Variants in DPP10 observed in about 807,000 individuals in gnomAD.
DPP10 encodes inactive dipeptidyl peptidase 10.
In DPP10, 33 loss-of-function variants were observed where a neutral mutation model predicts 120.9. That is an observed-to-expected ratio of 0.27 (90% CI 0.21 to 0.37). DPP10 has a LOEUF of 0.37. DPP10 is among the 10% of genes least tolerant of loss of function. DPP10 has a pLI of 1.00. For synonymous variants in DPP10, 337 were observed against 326.1 expected (o/e 1.03, Z -0.36); for missense variants, 816 against 942.8 (o/e 0.87, Z 1.76).
intron 19 of DPP10, among the ~76,000 whole-genome samples, chr2:115,808,097 T>C (rs1686222770): frequency 6.6e-6 from 1 of 152,182 alleles, no homozygotes; most frequent in South Asian, 2.1e-4. Context: ...GATAATAAAA[T>C]TGCAAAAGTG....
At chr2:115,092,626 G>T (rs1709361859) in intron 1 of DPP10, among the ~76,000 whole-genome samples, 1 of 152,046 alleles carries the variant, frequency 6.6e-6, no homozygotes, top group South Asian at 2.1e-4. Flanking sequence ...AATAAAAAAA[G>T]TAACATTTGA....
Position 115,573,846 on chromosome 2 carries a change from C to T in DPP10, c.441+47874C>T, listed in dbSNP as rs567276594. On this transcript the variant is annotated intron_variant, in intron 5 of 25. Transcript: ENST00000410059. ...CTGGAATGACAGGTGTGAGTCATCA[C>T]GCCTGGCCAAGTATTTTTAAACTCT... is the stretch of plus-strand genomic sequence containing the variant. 1.2e-3 allele frequency among the ~76,000 whole-genome samples: 189 copies of T among 152,156 alleles called. 1 individual carries two copies. The highest frequency in any genetic ancestry group is 2.2e-3 in the Non-Finnish European group (150 of 67,988).
chr2:115,083,872 T>C (rs1708480243), intron 1 of DPP10, among the ~76,000 whole-genome samples: 2 of 152,186 alleles, frequency 1.3e-5, no homozygotes, highest in Admixed American at 1.3e-4. Context: ...CTTAGGATTG[T>C]CAAAGATTAA....
intron 1 of DPP10, among the ~76,000 whole-genome samples, chr2:114,586,402 G>A (rs145113748): frequency 2.4e-4 from 37 of 152,196 alleles, no homozygotes; most frequent in East Asian, 7.7e-4. Context: ...GCATCCCTGC[G>A]TCACGTCTTA....
At chr2:115,581,357 A>G (rs1203048038) in intron 5 of DPP10, among the ~76,000 whole-genome samples, 5 of 152,170 alleles carry the variant, frequency 3.3e-5, no homozygotes, top group African/African-American at 1.2e-4. Context: ...ATAATGGGAC[A>G]GTAAATCCAG....
At chr2:114,701,004 G>C (rs189023179) in intron 1 of DPP10, among the ~76,000 whole-genome samples, 1 of 151,994 alleles carries the variant, frequency 6.6e-6, no homozygotes, top group Non-Finnish European at 1.5e-5. Context: ...TTGTGATGGT[G>C]TACTAGTATC....
intron 8 of DPP10, among the ~76,000 whole-genome samples, chr2:115,731,464 T>C (rs997702037): frequency 1.1e-4 from 16 of 149,258 alleles, no homozygotes; most frequent in African/African-American, 4.0e-4. Context: ...AAGTTGAGGC[T>C]GCAGTGAGCC....
intron 1 of DPP10, among the ~76,000 whole-genome samples, chr2:115,115,269 G>A (rs1012382375): frequency 2.0e-5 from 3 of 152,144 alleles, no homozygotes; most frequent in African/African-American, 2.4e-5. Flanking sequence ...ATGGGTAAAT[G>A]ACCCCAAGGC....
chr2:114,712,945 G>C (rs1039498388), intron 1 of DPP10, among the ~76,000 whole-genome samples: 1 of 151,266 alleles, frequency 6.6e-6, no homozygotes, highest in African/African-American at 2.4e-5. Context: ...CAGATACCTT[G>C]AGTGCTTCTA....
intron 3 of DPP10, among the ~76,000 whole-genome samples, chr2:115,378,946 T>C (rs918037202): frequency 4.1e-4 from 63 of 152,158 alleles, no homozygotes; most frequent in African/African-American, 1.3e-3. Context: ...CTGCTGGATT[T>C]GGTTTGCCAC....
chr2:115,074,656 G>C (rs1707641372), intron 1 of DPP10, among the ~76,000 whole-genome samples: 1 of 152,158 alleles, frequency 6.6e-6, no homozygotes. Flanking sequence ...TGTAGAAAAT[G>C]GTAAACCATT....
intron 1 of DPP10, among the ~76,000 whole-genome samples, chr2:114,606,366 T>C (rs909784835): frequency 5.3e-5 from 8 of 152,094 alleles, no homozygotes; most frequent in East Asian, 1.9e-4. Context: ...TCCTGCTACA[T>C]GGAAATTTTT....
At chr2:114,825,976 T>G (rs75635693) in intron 1 of DPP10, among the ~76,000 whole-genome samples, 4,009 of 152,280 alleles carry the variant, frequency 0.026, 175 homozygotes, top group African/African-American at 0.092. Context: ...TTACTCTTTT[T>G]GCCAAAAAGA....
intron 1 of DPP10, among the ~76,000 whole-genome samples, chr2:115,291,938 A>G (rs1484573173): frequency 1.3e-5 from 2 of 152,178 alleles, no homozygotes; most frequent in East Asian, 3.9e-4. Context: ...TGCCTTTCCC[A>G]TAAGTTTACA....
rs555805415 is a variant in DPP10 at position 114,522,937 on chromosome 2, T to G, written c.60+80099T>G. Among the ~76,000 whole-genome samples, 3 of 152,320 alleles carry G rather than the reference T, an allele frequency of 2.0e-5. 1 individual carries two copies. The highest frequency in any genetic ancestry group is 7.2e-5 in the African/African-American group (3 of 41,568). ...CATGGAAAAAACTTGCCACCATGAT[T>G]CAATTACCTCCCGCTGAGTTCCTCC... is the stretch of plus-strand genomic sequence containing the variant. On this transcript the variant is annotated intron_variant, in intron 1 of 25. Coordinates refer to ENST00000410059, the MANE Select transcript of DPP10 (RefSeq NM_020868.6).
At chr2:114,663,067 C>T (rs1697553919) in intron 1 of DPP10, among the ~76,000 whole-genome samples, 1 of 151,986 alleles carries the variant, frequency 6.6e-6, no homozygotes, top group South Asian at 2.1e-4. Flanking sequence ...TATGTGTATA[C>T]ATGTACATAT....
At position 115,197,011 on chromosome 2, in the gene DPP10, A is replaced by G. The variant is rs2055325115; in HGVS notation, c.61-112228A>G. Among the ~76,000 whole-genome samples the G allele has an allele frequency of 2.0e-5, 3 of 152,316 alleles. No individual in the cohort carries two copies. In the South Asian group the frequency reaches 6.2e-4, roughly 32 times the overall value. On this transcript the variant is annotated intron_variant, in intron 1 of 25. Coordinates refer to ENST00000410059, the MANE Select transcript of DPP10 (RefSeq NM_020868.6). ...AATAAGGTTTAGCCCAGTAGTGGTA[A>G]GTTGGTGGACATTACTAGTGGGTAA...
intron 1 of DPP10, among the ~76,000 whole-genome samples, chr2:114,722,101 T>C (rs1157912220): frequency 2.0e-5 from 3 of 152,176 alleles, no homozygotes; most frequent in Non-Finnish European, 4.4e-5. Flanking sequence ...TTATAGATGT[T>C]ACTGACCAAA....
At chr2:115,249,581 G>A (rs186681378) in intron 1 of DPP10, among the ~76,000 whole-genome samples, 179 of 152,208 alleles carry the variant, frequency 1.2e-3, no homozygotes, top group Non-Finnish European at 2.1e-3. Flanking sequence ...ATTTCATTGG[G>A]TAACTTTAAA....
Sources: allele counts gnomAD v4.1 joint callset (sites outside exome capture counted in the v4.1 genomes callset), GRCh38; gene constraint gnomAD v4.1.1; transcripts MANE v1.5; gene names NCBI Gene and HGNC (gene_info 2026-07-23, HGNC 2026-07-21).